The following LRRC51 variants were observed in gnomAD, a reference collection of about 807,000 sequenced individuals.
The protein encoded by LRRC51 is leucine-rich repeat-containing protein 51.
LRRC51 carries 8 observed loss-of-function variants against 17.8 expected under a neutral mutation model. The ratio of observed to expected loss-of-function variants is 0.45; its 90% CI spans 0.26 to 0.81. The LOEUF (loss-of-function observed/expected upper bound fraction) is 0.81, where lower values mean the gene tolerates loss of function less well. Ranked by LOEUF, LRRC51 falls within the 30% of genes least tolerant of loss-of-function variation. The pLI is 0.17. For synonymous variants in LRRC51, 92 were observed against 96.0 expected (o/e 0.96, Z 0.24); for missense variants, 233 against 239.3 (o/e 0.97, Z 0.17).
intron 3 of LRRC51, among the ~76,000 whole-genome samples, chr11:72,090,341 T>C (rs1392954148): frequency 6.6e-6 from 1 of 152,198 alleles, no homozygotes; most frequent in African/African-American, 2.4e-5. Flanking sequence ...GGTGTAGCTC[T>C]GCCCTCTATG....
chr11:72,092,421 G>A (rs1353251751), intron 3 of LRRC51, among the ~76,000 whole-genome samples: 2 of 152,092 alleles, frequency 1.3e-5, no homozygotes, highest in East Asian at 3.8e-4. Context: ...TTGATTGTAG[G>A]GCCCTCTCAT....
chr11:72,085,739 C>T (rs1443643262), intron 1 of LRRC51, among the ~76,000 whole-genome samples: 2 of 152,184 alleles, frequency 1.3e-5, no homozygotes, highest in Admixed American at 6.5e-5. Context: ...GTCTTAGAGT[C>T]AGCTGGAGGG....
rs1944120947 is a variant in LRRC51, at chr11:72,080,892, CGG to C, written c.-140+9_-140+10del. 1.3e-5 allele frequency: 2 copies of C among 152,350 alleles called. No individual in the cohort carries two copies. Among genetic ancestry groups the C allele is most frequent in the African/African-American group, 4.8e-5 (2 of 41,400 alleles). 9.4% of individuals were successfully genotyped at this position (152,350 alleles called of 1,614,324 possible). ...GGAGAGGAAGCGACTGCGGGTGAGTCGGGCGGGAAAACAGGAAACCCGTTCTA... is the reference window on the plus strand; with the variant it reads ...GGAGAGGAAGCGACTGCGGGTGAGTCGCGGGAAAACAGGAAACCCGTTCTA... On this transcript the variant is annotated splice_region_variant and intron_variant, in intron 1 of 5. Coordinates refer to ENST00000289488, the MANE Select transcript of LRRC51 (RefSeq NM_145309.6).
rs1031952184 is a variant in LRRC51 at position 72,096,218 on chromosome 11, G to A, written c.*698G>A. 1.3e-5 allele frequency: 2 copies of A among 157,894 alleles called. No individual in the cohort carries two copies. The highest frequency in any genetic ancestry group is 1.9e-4 in the East Asian group (1 of 5,320). The allele number at this position is 157,894 out of a possible 1,614,324, so 9.8% of individuals were successfully genotyped here. On this transcript the variant is annotated 3_prime_UTR_variant, in exon 6 of 6. Transcript: ENST00000289488. ...GGGGTTTCACCATGTTAGCCAGGAT[G>A]GTCTCCATCTCCTGACCTTGTGATC...
intron 3 of LRRC51, among the ~76,000 whole-genome samples, chr11:72,093,109 T>C (rs1329721375): frequency 2.0e-5 from 3 of 152,228 alleles, no homozygotes; most frequent in Non-Finnish European, 2.9e-5. Flanking sequence ...TGTATTCCAC[T>C]GAAGTGAATT....
intron 3 of LRRC51, among the ~76,000 whole-genome samples, chr11:72,090,659 CA>C (rs1423561643): frequency 6.6e-6 from 1 of 152,132 alleles, no homozygotes; most frequent in Non-Finnish European, 1.5e-5. Flanking sequence ...GTACCTGGCA[CA>C]CTATTTGGTG....
At chr11:72,086,147 T>C in intron 1 of LRRC51, 3 of 472,308 alleles carry the variant, frequency 6.4e-6, no homozygotes, top group Non-Finnish European at 1.1e-5. Flanking sequence ...CAGGACACAT[T>C]AACCAATTTT....
chr11:72,087,578 G>A (rs1202912062), intron 1 of LRRC51, among the ~76,000 whole-genome samples: 1 of 152,138 alleles, frequency 6.6e-6, no homozygotes, highest in African/African-American at 2.4e-5. Context: ...CTAAATGTAG[G>A]CTTAGATTCT....
intron 1 of LRRC51, among the ~76,000 whole-genome samples, chr11:72,084,929 T>TAGG (rs55881078): frequency 0.93 from 137,801 of 148,496 alleles, 64,188 homozygotes; most frequent in Non-Finnish European, 0.98. Flanking sequence ...CTATACATTC[T>TAGG]AGGTTATATT....
At chr11:72,084,986 ACTT>A (rs1370027763) in intron 1 of LRRC51, among the ~76,000 whole-genome samples, 2 of 151,612 alleles carry the variant, frequency 1.3e-5, no homozygotes, top group Admixed American at 1.3e-4. Context: ...TATTTGATGT[ACTT>A]CTTGTCATTT....
intron 1 of LRRC51, among the ~76,000 whole-genome samples, chr11:72,081,919 T>C (rs1944236608): frequency 1.3e-5 from 2 of 152,146 alleles, no homozygotes; most frequent in Non-Finnish European, 2.9e-5. Flanking sequence ...ATTTCACAGA[T>C]TGGAAAACTG....
In LRRC51 at chr11:72,088,304, T is replaced by TGAAC; in HGVS notation, c.-132_-131insGAAC. On this transcript the variant is annotated 5_prime_UTR_variant, in exon 2 of 6. Coordinates refer to ENST00000289488, the MANE Select transcript of LRRC51 (RefSeq NM_145309.6). Reference sequence around the variant, plus strand: ...TGTGTTCATCCCTGTCAGGGAGTATTTCCATTTTAACCGGAAACAATCCCT... The same window carrying TGAAC: ...TGTGTTCATCCCTGTCAGGGAGTATTGAACTCCATTTTAACCGGAAACAATCCCT... 1 of 700,972 alleles carries TGAAC rather than the reference T, an allele frequency of 1.4e-6. No homozygotes were observed. Among genetic ancestry groups the TGAAC allele is most frequent in the Non-Finnish European group, 2.6e-6 (1 of 384,076 alleles). 43.4% of individuals were successfully genotyped at this position (700,972 alleles called of 1,614,324 possible).
chr11:72,092,445 G>T (rs1306910204), intron 3 of LRRC51, among the ~76,000 whole-genome samples: 3 of 152,168 alleles, frequency 2.0e-5, no homozygotes, highest in Non-Finnish European at 2.9e-5. Context: ...TTGCTTGGAT[G>T]ACTCAAACAG....
At position 72,089,050 on chromosome 11, in the gene LRRC51, C is replaced by T. The variant is rs762707015; in HGVS notation, c.-34C>T. The T allele has an allele frequency of 1.2e-6, 2 of 1,612,626 alleles. No homozygotes were observed. The highest frequency in any genetic ancestry group is 1.7e-6 in the Non-Finnish European group (2 of 1,179,864). ...CCAGGCTGAACCCAGACTCCCAGGG[C>T]ACCTGCTTGCACCTTTGAATGATGG... is the stretch of plus-strand genomic sequence containing the variant. On this transcript the variant is annotated 5_prime_UTR_variant, in exon 3 of 6. Coordinates refer to ENST00000289488, the MANE Select transcript of LRRC51 (RefSeq NM_145309.6).
intron 1 of LRRC51, among the ~76,000 whole-genome samples, chr11:72,087,809 TAA>T (rs1179187994): frequency 6.6e-6 from 1 of 152,250 alleles, no homozygotes; most frequent in East Asian, 1.9e-4. Flanking sequence ...TGGGTAAAAT[TAA>T]GTTATTAAAA....
In LRRC51 at chr11:72,088,299, AGTAT is replaced by A; in HGVS notation, c.-136_-133del. The stretch of plus-strand genomic sequence containing the variant: ...AACATTGTGTTCATCCCTGTCAGGG[AGTAT>A]TTCCATTTTAACCGGAAACAATCCC... On this transcript the variant is annotated 5_prime_UTR_variant, in exon 2 of 6. Coordinates refer to ENST00000289488, the MANE Select transcript of LRRC51 (RefSeq NM_145309.6). 1.4e-6 allele frequency: 1 copy of A among 700,080 alleles called. No homozygotes were observed. Among genetic ancestry groups the A allele is most frequent in the Non-Finnish European group, 2.6e-6 (1 of 383,578 alleles). 43.4% of individuals were successfully genotyped at this position (700,080 alleles called of 1,614,324 possible).
chr11:72,090,827 A>C (rs539178547), intron 3 of LRRC51, among the ~76,000 whole-genome samples: 92 of 152,316 alleles, frequency 6.0e-4, no homozygotes, highest in African/African-American at 2.1e-3. Flanking sequence ...TTGGTGGTTG[A>C]GGGATGACAC....
Position 72,095,671 on chromosome 11 carries a change from CTTTTCTT to C in LRRC51, c.*156_*162del, listed in dbSNP as rs1282066969. 6 of 1,469,798 alleles carry C rather than the reference CTTTTCTT, an allele frequency of 4.1e-6. No individual in the cohort carries two copies. Among genetic ancestry groups the C allele is most frequent in the African/African-American group, 1.5e-5 (1 of 68,640 alleles). The allele number at this position is 1,469,798 out of a possible 1,614,324, so 91.0% of individuals were successfully genotyped here. A position where few individuals can be genotyped will look rare whatever the true frequency, so the allele number is the denominator to read the frequency against. ...CAACTGCAAGTAGCTCTAGCCTTTT[CTTTTCTT>C]TTTTTTTTTTTTGAGACGGAGTCTC... On this transcript the variant is annotated 3_prime_UTR_variant, in exon 6 of 6. Transcript: ENST00000289488.
chr11:72,083,349 T>G (rs1944351680), intron 1 of LRRC51, among the ~76,000 whole-genome samples: 1 of 152,216 alleles, frequency 6.6e-6, no homozygotes, highest in Admixed American at 6.5e-5. Context: ...CCTGGAATGC[T>G]CATTCCACAC....
Sources: allele counts gnomAD v4.1 joint callset (sites outside exome capture counted in the v4.1 genomes callset), GRCh38; gene constraint gnomAD v4.1.1; transcripts MANE v1.5; gene names NCBI Gene and HGNC (gene_info 2026-07-23, HGNC 2026-07-21).